Variants in LRRC4C observed in about 807,000 individuals in gnomAD.
LRRC4C encodes the protein leucine-rich repeat-containing protein 4C.
In LRRC4C, 5 loss-of-function variants were observed where a neutral mutation model predicts 33.6. The observed-to-expected ratio is 0.15, with a 90% CI of 0.08 to 0.31. The LOEUF (loss-of-function observed/expected upper bound fraction) is 0.31. LRRC4C is among the 10% of genes least tolerant of loss of function. The pLI is 1.00. For synonymous variants in LRRC4C, 329 were observed against 302.0 expected, an observed-to-expected ratio of 1.09 and a Z score of -0.93; for missense variants, 560 against 796.7, an observed-to-expected ratio of 0.70 and a Z score of 3.58.
chr11:40,489,832 A>T (rs2138501561), intron 3 of LRRC4C, among the ~76,000 whole-genome samples: 1 of 152,296 alleles, frequency 6.6e-6, no homozygotes, highest in African/African-American at 2.4e-5. Flanking sequence ...TTGATTTTGT[A>T]AAATACTTCT....
At chr11:40,327,133 T>G (rs945078097) in intron 3 of LRRC4C, among the ~76,000 whole-genome samples, 1 of 152,144 alleles carries the variant, frequency 6.6e-6, no homozygotes, top group Non-Finnish European at 1.5e-5. Context: ...AGAGTTGAGG[T>G]GCATTCTTAT....
Position 41,324,287 on chromosome 11 carries a change from G to T in LRRC4C, c.-496+135144C>A, listed in dbSNP as rs1799121056. On this transcript the variant is annotated intron_variant, in intron 1 of 6. Coordinates refer to ENST00000528697, the MANE Select transcript of LRRC4C (RefSeq NM_001258419.2). ...CTCTACTAAAAATACAAAATCAGCT[G>T]GGTGTGGTGGCATGTGCCTGTAATC... 3.9e-5 allele frequency among the ~76,000 whole-genome samples: 6 copies of T among 152,056 alleles called. 1 individual carries two copies. The South Asian group carries it at 1.2e-3, about 32-fold the overall frequency.
intron 3 of LRRC4C, among the ~76,000 whole-genome samples, chr11:40,393,176 G>A (rs1949403787): frequency 6.6e-6 from 1 of 152,036 alleles, no homozygotes; most frequent in Admixed American, 6.6e-5. Flanking sequence ...TGCATAATCA[G>A]TTCAATAGGG....
chr11:40,979,023 A>T (rs1416693313), intron 1 of LRRC4C, among the ~76,000 whole-genome samples: 1 of 152,140 alleles, frequency 6.6e-6, no homozygotes, highest in Non-Finnish European at 1.5e-5. Context: ...TGAATATGAT[A>T]GTTCTTCTTT....
rs377337364 is a variant in LRRC4C, at chr11:40,345,017, T to C, written c.-269-25296A>G. ...ATAAATTGGAGATGATACAAACAGA[T>C]AGAAAAACATTACATGCTCATAGGA... is the stretch of plus-strand genomic sequence containing the variant. On this transcript the variant is annotated intron_variant, in intron 3 of 6. Transcript: ENST00000528697. Among the ~76,000 whole-genome samples the C allele has an allele frequency of 3.9e-5, 6 of 152,122 alleles. No homozygotes were observed. In the South Asian group the frequency reaches 8.3e-4, roughly 21 times the overall value.
chr11:40,355,218 C>A (rs2137116775), intron 3 of LRRC4C, among the ~76,000 whole-genome samples: 1 of 152,232 alleles, frequency 6.6e-6, no homozygotes, highest in Non-Finnish European at 1.5e-5. Context: ...TCTTTACTCT[C>A]TTCTCACCTC....
chr11:40,439,255 T>C (rs1951283035), intron 3 of LRRC4C, among the ~76,000 whole-genome samples: 1 of 151,736 alleles, frequency 6.6e-6, no homozygotes. Flanking sequence ...GTTGCTACTT[T>C]TTTACTGATA....
At chr11:40,770,823 C>T (rs1278851880) in intron 2 of LRRC4C, among the ~76,000 whole-genome samples, 2 of 152,162 alleles carry the variant, frequency 1.3e-5, no homozygotes, top group Non-Finnish European at 2.9e-5. Flanking sequence ...CTTTGACTCA[C>T]ATCCAGGTCA....
At chr11:40,153,006 C>A (rs530565522) in intron 5 of LRRC4C, among the ~76,000 whole-genome samples, 1 of 152,266 alleles carries the variant, frequency 6.6e-6, no homozygotes, top group South Asian at 2.1e-4. Context: ...GAGCATTAAA[C>A]CACCAAAGCT....
At chr11:41,249,826 AC>A (rs907504682) in intron 1 of LRRC4C, among the ~76,000 whole-genome samples, 1 of 151,994 alleles carries the variant, frequency 6.6e-6, no homozygotes, top group African/African-American at 2.4e-5. Flanking sequence ...ACTTATTACC[AC>A]CTGACATATT....
intron 1 of LRRC4C, among the ~76,000 whole-genome samples, chr11:41,128,549 C>G (rs948721443): frequency 2.0e-5 from 3 of 151,980 alleles, no homozygotes; most frequent in African/African-American, 4.8e-5. Context: ...ACTTTCATGA[C>G]AAGTGGGAAT....
chr11:40,943,246 C>A (rs190401603), intron 1 of LRRC4C, among the ~76,000 whole-genome samples: 1 of 152,164 alleles, frequency 6.6e-6, no homozygotes, highest in Non-Finnish European at 1.5e-5. Context: ...TTTGTTCTCA[C>A]AGCATCTCTG....
chr11:41,012,885 T>C (rs1216801248), intron 1 of LRRC4C, among the ~76,000 whole-genome samples: 1 of 152,224 alleles, frequency 6.6e-6, no homozygotes, highest in Non-Finnish European at 1.5e-5. Flanking sequence ...CTGTATGTGT[T>C]CTTTTAAGAA....
At chr11:40,475,418 A>C (rs1953162934) in intron 3 of LRRC4C, among the ~76,000 whole-genome samples, 1 of 152,088 alleles carries the variant, frequency 6.6e-6, no homozygotes, top group Non-Finnish European at 1.5e-5. Context: ...ACATGGACAC[A>C]GGGAGGGGAC....
intron 3 of LRRC4C, among the ~76,000 whole-genome samples, chr11:40,643,437 G>A (rs186620455): frequency 1.6e-4 from 25 of 152,204 alleles, no homozygotes; most frequent in African/African-American, 5.8e-4. Flanking sequence ...CAGAAGCCAG[G>A]ACATTCATCC....
At chr11:40,863,573 A>G (rs969636665) in intron 2 of LRRC4C, among the ~76,000 whole-genome samples, 6 of 152,194 alleles carry the variant, frequency 3.9e-5, no homozygotes, top group Non-Finnish European at 8.8e-5. Context: ...CTGAGGAAGT[A>G]AACGCAAGGA....
chr11:41,003,991 C>T (rs1325623654), intron 1 of LRRC4C, among the ~76,000 whole-genome samples: 1 of 151,054 alleles, frequency 6.6e-6, no homozygotes, highest in African/African-American at 2.4e-5. Context: ...AAAATGGGGA[C>T]AAGTGTCAAG....
chr11:40,837,343 A>G (rs1303321141), intron 2 of LRRC4C, among the ~76,000 whole-genome samples: 2 of 152,154 alleles, frequency 1.3e-5, no homozygotes, highest in African/African-American at 4.8e-5. Context: ...AAATTGCATA[A>G]TGCTTATTTA....
chr11:40,651,363 GGAGA>G (rs200687714), intron 2 of LRRC4C, among the ~76,000 whole-genome samples: 1 of 151,624 alleles, frequency 6.6e-6, no homozygotes, highest in African/African-American at 2.4e-5. Context: ...GTGGGGGAGA[GGAGA>G]GAGAGAGAGA....
Sources: allele counts gnomAD v4.1 joint callset (sites outside exome capture counted in the v4.1 genomes callset), GRCh38; gene constraint gnomAD v4.1.1; transcripts MANE v1.5; gene names NCBI Gene and HGNC (gene_info 2026-07-23, HGNC 2026-07-21).